Variants in ITPRID2 observed in about 807,000 individuals in gnomAD.
The protein encoded by ITPRID2 is protein ITPRID2.
A neutral mutation model predicts 124.3 loss-of-function variants in ITPRID2; 60 were observed. The observed-to-expected ratio is 0.48, with a 90% confidence interval of 0.39 to 0.60. The LOEUF (loss-of-function observed/expected upper bound fraction) is 0.60, where lower values mean the gene tolerates loss of function less well. ITPRID2 is among the 20% of genes least tolerant of loss of function. The pLI is 0.00. For synonymous variants in ITPRID2, 521 were observed against 542.9 expected, an observed-to-expected ratio of 0.96 and a Z score of 0.56; for missense variants, 1,553 against 1,512.2, an observed-to-expected ratio of 1.03 and a Z score of -0.45.
chr2:181,908,365 T>C (rs1232884368), intron 8 of ITPRID2, among the ~76,000 whole-genome samples: 2 of 152,360 alleles, frequency 1.3e-5, no homozygotes, highest in East Asian at 3.9e-4. Flanking sequence ...AATTCTGCTA[T>C]AATTTTTTGA....
intron 4 of ITPRID2, among the ~76,000 whole-genome samples, chr2:181,897,409 T>C (rs1212929917): frequency 6.6e-6 from 1 of 152,006 alleles, no homozygotes; most frequent in Non-Finnish European, 1.5e-5. Flanking sequence ...TTTTCCTGAT[T>C]TTTAGAAAAT....
At chr2:181,927,495 T>C (rs2125117859) in intron 16 of ITPRID2, among the ~76,000 whole-genome samples, 1 of 152,244 alleles carries the variant, frequency 6.6e-6, no homozygotes, top group South Asian at 2.1e-4. Flanking sequence ...TAAAATGAGA[T>C]GTATATCCTC....
Position 181,916,295 on chromosome 2 carries a change from C to T in ITPRID2, c.2655C>T (p.Phe885=), listed in dbSNP as rs1179251021. ...GATCSAFASP[F]GCPYSHRHAT... ...CTTGTAGTGCCTTCGCTTCCCCTTT[C>T]GGGTGTCCTTACTCACATAGACATG... The change falls in exon 11 of 18, where the codon TTC becomes TTT. Residue 885 remains phenylalanine (F), a synonymous_variant. Transcript: ENST00000431877. 5.0e-6 allele frequency: 8 copies of T among 1,614,086 alleles called. No individual in the cohort carries two copies. Among genetic ancestry groups the T allele is most frequent in the African/African-American group, 1.3e-5 (1 of 74,932 alleles).
Position 181,910,036 on chromosome 2 carries a change from G to A in ITPRID2, c.1486+65G>A. 1.6e-6 allele frequency: 2 copies of A among 1,250,116 alleles called. No homozygotes were observed. The highest frequency in any genetic ancestry group is 2.4e-5 in the East Asian group (1 of 42,048). The allele number at this position is 1,250,116 out of a possible 1,614,324, so 77.4% of individuals were successfully genotyped here. The stretch of plus-strand genomic sequence containing the variant: ...AAATATTAGTTGATTTGGAAAAGGG[G>A]TTTTATGTATCAGTATTTGTAGTAT... On this transcript the variant is annotated intron_variant, in intron 9 of 17. Transcript: ENST00000431877. The surrounding 1 kb of genome is among the most constrained non-coding windows in gnomAD (Gnocchi z 4.1).
chr2:181,916,844 C>T, intron 11 of ITPRID2: 1 of 1,003,086 alleles, frequency 1.0e-6, no homozygotes, highest in African/African-American at 1.7e-5. Context: ...CAAGTTTTCT[C>T]CCTGTTGGCT....
intron 4 of ITPRID2, among the ~76,000 whole-genome samples, chr2:181,898,613 A>G (rs1692403967): frequency 6.6e-6 from 1 of 151,978 alleles, no homozygotes; most frequent in Non-Finnish European, 1.5e-5. Context: ...CTGGTTCCCT[A>G]TACGTTTTTT....
chr2:181,917,244 T>C (rs1438458407), intron 11 of ITPRID2: 1 of 153,564 alleles, frequency 6.5e-6, no homozygotes, highest in Non-Finnish European at 1.4e-5. Context: ...CAACAAAGAG[T>C]CAGGAGGCCT....
chr2:181,922,449 G>A, intron 16 of ITPRID2, 37 bp downstream of exon 16: 1 of 1,510,822 alleles, frequency 6.6e-7, no homozygotes, highest in Non-Finnish European at 8.9e-7. Context: ...TTATTTGGAG[G>A]TATATGTTAG....
chr2:181,920,719 CAT>C, intron 15 of ITPRID2, 57 bp downstream of exon 15: 3 of 1,250,340 alleles, frequency 2.4e-6, no homozygotes, highest in Non-Finnish European at 3.5e-6. Context: ...ATTTCAGACA[CAT>C]AGTTTCCCTA....
chr2:181,892,951 G>T lies in ITPRID2; in HGVS notation c.257+291G>T. The stretch of plus-strand genomic sequence containing the variant: ...CAGATAATCATGCCATATTTGTTCT[G>T]TTTTTATTTGAAAGAATTCTCACAT... On this transcript the variant is annotated intron_variant, in intron 2 of 17. Coordinates refer to ENST00000431877, the MANE Select transcript of ITPRID2 (RefSeq NM_001130445.3). The surrounding 1 kb of genome is among the most constrained non-coding windows in gnomAD (Gnocchi z 5.2). 1 of 502,016 alleles carries T rather than the reference G, an allele frequency of 2.0e-6. No homozygotes were observed. 31.1% of individuals were successfully genotyped at this position (502,016 alleles called of 1,614,324 possible). A position where few individuals can be genotyped will look rare whatever the true frequency, so the allele number is the denominator to read the frequency against.
chr2:181,918,852 T>G lies in ITPRID2; in HGVS notation c.2963T>G (p.Met988Arg). The stretch of plus-strand genomic sequence containing the variant: ...TTGGCAATGCTGCGTCAGCAAACCA[T>G]GGTTTATCATCATATGACTGAGGAG... ...LELAMLRQQT[M>R]VYHHMTEEER... Residue 988 changes from methionine (M) to arginine (R), a missense_variant, in exon 13 of 18, where the codon ATG becomes AGG. Coordinates refer to ENST00000431877, the MANE Select transcript of ITPRID2 (RefSeq NM_001130445.3). The G allele has an allele frequency of 1.2e-6, 2 of 1,614,190 alleles. No homozygotes were observed. Among genetic ancestry groups the G allele is most frequent in the Admixed American group, 1.7e-5 (1 of 60,028 alleles).
chr2:181,893,074 C>T, intron 2 of ITPRID2: 1 of 201,366 alleles, frequency 5.0e-6, no homozygotes, highest in African/African-American at 2.3e-5. Flanking sequence ...GTTTAATTTA[C>T]CTAACTACAC....
chr2:181,900,695 G>T lies in ITPRID2; in HGVS notation c.504-1G>T, dbSNP rs1283145080. On this transcript the variant is annotated splice_acceptor_variant, in intron 6 of 17. Coordinates refer to ENST00000431877, the MANE Select transcript of ITPRID2 (RefSeq NM_001130445.3). LOFTEE classifies it high-confidence loss of function. ...TCCTTTTTTGCCCCCTTTTTTTGTA[G>T]TGTTTCAGAATTGTTGGAACTTTAT... The T allele has an allele frequency of 3.2e-6, 5 of 1,586,872 alleles. No homozygotes were observed. Among genetic ancestry groups the T allele is most frequent in the Admixed American group, 1.8e-5 (1 of 54,596 alleles).
intron 17 of ITPRID2, among the ~76,000 whole-genome samples, chr2:181,928,529 C>G (rs1005333321): frequency 1.3e-5 from 2 of 152,014 alleles, no homozygotes; most frequent in African/African-American, 4.8e-5. Context: ...AGTAATAAAT[C>G]CTGGAATTGG....
In ITPRID2 at chr2:181,901,993, A is replaced by C; in HGVS notation, c.940A>C (p.Ser314Arg). 1 of 1,613,780 alleles carries C rather than the reference A, an allele frequency of 6.2e-7. No homozygotes were observed. Among genetic ancestry groups the C allele is most frequent in the Non-Finnish European group, 8.5e-7 (1 of 1,179,794 alleles). Residue 314 changes from serine (S) to arginine (R), a missense_variant, in exon 8 of 18, where the codon AGT (serine) becomes CGT (arginine). By Grantham distance (110) the Ser-to-Arg change is moderately radical (BLOSUM62 -1). Coordinates refer to ENST00000431877, the MANE Select transcript of ITPRID2 (RefSeq NM_001130445.3). ...LCVDKTEKGE[S>R]SSPSPSAEKG... Reference sequence around the variant, plus strand: ...TGTTGATAAAACAGAGAAAGGAGAAAGTAGTAGTCCTTCTCCATCAGCTGA... The same window carrying C: ...TGTTGATAAAACAGAGAAAGGAGAACGTAGTAGTCCTTCTCCATCAGCTGA...
At chr2:181,913,430 A>G (rs547986394) in intron 9 of ITPRID2, among the ~76,000 whole-genome samples, 63 of 152,310 alleles carry the variant, frequency 4.1e-4, no homozygotes, top group African/African-American at 1.5e-3. Flanking sequence ...CTCTATATGA[A>G]CTTCTAAATT....
chr2:181,901,800 G>C lies in ITPRID2; in HGVS notation c.747G>C (p.Val249=), dbSNP rs1345560011. ...RFRQIEVLTT[V]ANAFSSLYSQ... ...GTCAAATTGAAGTGCTTACTACTGT[G>C]GCCAATGCGTTTTCTTCTTTATATT... The change falls in exon 8 of 18, where the codon GTG becomes GTC. Residue 249 remains valine (V), a synonymous_variant. Coordinates refer to ENST00000431877, the MANE Select transcript of ITPRID2 (RefSeq NM_001130445.3). 1.9e-6 allele frequency: 3 copies of C among 1,613,094 alleles called. No individual in the cohort carries two copies. The Admixed American group carries it at 5.0e-5, about 27-fold the overall frequency.
chr2:181,927,388 A>C (rs1694941198), intron 16 of ITPRID2, among the ~76,000 whole-genome samples: 1 of 152,216 alleles, frequency 6.6e-6, no homozygotes, highest in Non-Finnish European at 1.5e-5. Flanking sequence ...ATTAGAGAGA[A>C]AAGGTGGAGA....
chr2:181,916,036 C>T lies in ITPRID2; in HGVS notation c.2396C>T (p.Thr799Ile), dbSNP rs1694009834. The T allele has an allele frequency of 6.2e-7, 1 of 1,614,018 alleles. No homozygotes were observed. Among genetic ancestry groups the T allele is most frequent in the Non-Finnish European group, 8.5e-7 (1 of 1,180,038 alleles). ...GATGGTCAGTCTTTAGTTAAATCGA[C>T]CATTTTCATCTCTCCATCATCTGTG... ...EHDGQSLVKS[T>I]IFISPSSVKK... The change falls in exon 11 of 18, where the codon ACC becomes ATC. Residue 799 changes from threonine to isoleucine, a missense_variant. Thr to Ile is a moderately conservative substitution (Grantham distance 89). Coordinates refer to ENST00000431877, the MANE Select transcript of ITPRID2 (RefSeq NM_001130445.3).
Sources: allele counts gnomAD v4.1 joint callset (sites outside exome capture counted in the v4.1 genomes callset), GRCh38; gene constraint gnomAD v4.1.1; non-coding constraint Gnocchi (gnomAD v3.1); transcripts MANE v1.5; gene names NCBI Gene and HGNC (gene_info 2026-07-23, HGNC 2026-07-21).